MORN1: variants seen among roughly 807,000 people sequenced by gnomAD.
The protein encoded by MORN1 is MORN repeat containing 1.
MORN1 carries 67 observed loss-of-function variants against 61.9 expected under a neutral mutation model. The observed-to-expected ratio is 1.08, with a 90% CI of 0.89 to 1.33. MORN1 has a LOEUF of 1.33. Among genes scored for constraint, MORN1 ranks in the 40% most tolerant of loss-of-function variants. MORN1 has a pLI of 0.00. For missense variants in MORN1, 752 were observed against 691.2 expected (o/e 1.09, Z -0.99); for synonymous variants, 301 against 292.0 (o/e 1.03, Z -0.31).
At chr1:2,390,034 A>G in intron 1 of MORN1, 38 bp from the exon 2 acceptor site, 1 of 1,567,506 alleles carries the variant, frequency 6.4e-7, no homozygotes, top group Non-Finnish European at 8.8e-7. Context: ...AAGCACAGAC[A>G]CAGAGATGAG....
chr1:2,345,960 G>A (rs768495099), intron 10 of MORN1, among the ~76,000 whole-genome samples: 3 of 152,116 alleles, frequency 2.0e-5, no homozygotes, highest in Non-Finnish European at 4.4e-5. Flanking sequence ...GATGCAGCCT[G>A]CATCTGTGAT....
chr1:2,359,390 T>C (rs1641844936), intron 8 of MORN1, among the ~76,000 whole-genome samples: 1 of 152,220 alleles, frequency 6.6e-6, no homozygotes, highest in East Asian at 1.9e-4. Context: ...CCCAGAGGAC[T>C]GTGCCCAAGG....
At chr1:2,382,772 C>T (rs1642402089) in intron 6 of MORN1, among the ~76,000 whole-genome samples, 1 of 152,180 alleles carries the variant, frequency 6.6e-6, no homozygotes. Context: ...GCAGCACCAG[C>T]CCAGGCCAGC....
chr1:2,343,517 G>A (rs4648828), intron 10 of MORN1, among the ~76,000 whole-genome samples: 45,356 of 152,032 alleles, frequency 0.3, 7,491 homozygotes, highest in South Asian at 0.44. Context: ...GTGGCCCCTC[G>A]AGGACTGAGA....
At chr1:2,359,716 T>C (rs113865376) in intron 8 of MORN1, among the ~76,000 whole-genome samples, 9,259 of 152,130 alleles carry the variant, frequency 0.061, 946 homozygotes, top group African/African-American at 0.21. Flanking sequence ...AACCTGTCTC[T>C]ACTAAAAATA....
chr1:2,356,958 C>A lies in MORN1; in HGVS notation c.1036+474G>T, dbSNP rs192783286. On this transcript the variant is annotated intron_variant, in intron 10 of 13. Coordinates refer to ENST00000378531, the MANE Select transcript of MORN1 (RefSeq NM_024848.3). ...CCGGAGCACCTGGGCCTCATCTCCA[C>A]GAAGAAACGTGAGGCAACCCGTGCA... Among the ~76,000 whole-genome samples, 489 of 152,278 alleles carry A rather than the reference C, an allele frequency of 3.2e-3. 1 individual carries two copies. The highest frequency in any genetic ancestry group is 5.4e-3 in the Non-Finnish European group (368 of 68,010).
intron 12 of MORN1, 121 bp from the exon 13 acceptor site, chr1:2,324,264 G>T (rs1480480538): frequency 9.6e-7 from 1 of 1,037,870 alleles, no homozygotes; most frequent in Non-Finnish European, 1.4e-6. Flanking sequence ...CACAGCAGAG[G>T]CCTGCGAACC....
rs981685633 is a variant in MORN1, at chr1:2,334,741, C to T, written c.1250+1728G>A. Among the ~76,000 whole-genome samples the T allele has an allele frequency of 4.6e-5, 7 of 152,234 alleles. No homozygotes were observed. Among genetic ancestry groups the T allele is most frequent in the East Asian group, 1.9e-4 (1 of 5,196 alleles). On this transcript the variant is annotated intron_variant, in intron 12 of 13. Transcript: ENST00000378531. The surrounding 1 kb of genome is among the most constrained non-coding windows in gnomAD (Gnocchi z 5.4). ...AATCCTAGTCCAACGACACTTAACTCGAGGACAGTGCGAGCCCTTTGGCTG... is the reference window on the plus strand; with the variant it reads ...AATCCTAGTCCAACGACACTTAACTTGAGGACAGTGCGAGCCCTTTGGCTG...
rs373645807 is a variant in MORN1 at position 2,385,001 on chromosome 1, A to G, written c.514T>C (p.Cys172Arg). 1.9e-6 allele frequency: 3 copies of G among 1,592,650 alleles called. No individual in the cohort carries two copies. The highest frequency in any genetic ancestry group is 1.1e-5 in the South Asian group (1 of 87,892). Residue 172 changes from cysteine (C) to arginine (R), a missense_variant, in exon 6 of 14, where the codon TGC (cysteine) becomes CGC (arginine). Cys to Arg is a radical substitution (Grantham distance 180). Coordinates refer to ENST00000378531, the MANE Select transcript of MORN1 (RefSeq NM_024848.3). Reference sequence around the variant, plus strand: ...ACCTTGTAGGTGGAGCCGTCGGCGCAGCGCAGCACCCCGTGTCCCTGACGC... The same window carrying G: ...ACCTTGTAGGTGGAGCCGTCGGCGCGGCGCAGCACCCCGTGTCCCTGACGC... ...DRRQGHGVLR[C>R]ADGSTYKGQW...
chr1:2,353,417 C>T (rs1569976226), intron 10 of MORN1, among the ~76,000 whole-genome samples: 1 of 152,204 alleles, frequency 6.6e-6, no homozygotes, highest in Non-Finnish European at 1.5e-5. Context: ...GGAACTGGCC[C>T]ACCCTTCCAG....
intron 3 of MORN1, 159 bp from the exon 4 acceptor site, chr1:2,387,688 A>G (rs1333780081): frequency 4.8e-6 from 3 of 624,292 alleles, no homozygotes; most frequent in African/African-American, 3.6e-5. Context: ...GAGGGAAAAC[A>G]TGGTAAGCAG....
At chr1:2,375,071 C>A (rs1032358081) in intron 6 of MORN1, 1 of 152,498 alleles carries the variant, frequency 6.6e-6, no homozygotes, top group Non-Finnish European at 1.5e-5. Flanking sequence ...GTTCGCTGTA[C>A]ACCCCAACTC....
At chr1:2,382,786 G>A (rs1642402277) in intron 6 of MORN1, among the ~76,000 whole-genome samples, 1 of 152,188 alleles carries the variant, frequency 6.6e-6, no homozygotes, top group Non-Finnish European at 1.5e-5. Flanking sequence ...GGCCAGCAGG[G>A]GCAGCAACGA....
intron 10 of MORN1, among the ~76,000 whole-genome samples, chr1:2,348,041 G>A (rs895058443): frequency 2.0e-5 from 3 of 152,056 alleles, no homozygotes; most frequent in East Asian, 1.9e-4. Flanking sequence ...GGGCTTCCCC[G>A]TGGCCCAGTG....
Position 2,385,052 on chromosome 1 carries a change from A to G in MORN1, c.463T>C (p.Tyr155His), listed in dbSNP as rs1328884393. ...CGGTCCCGGACCCAGTCGCCGTCGT[A>G]CTTGTCACCGTTCCTGGGGGACACA... ...GQMLFQNGDK[Y>H]DGDWVRDRRQ... The change falls in exon 6 of 14, where the codon TAC (tyrosine) becomes CAC (histidine). Residue 155 changes from tyrosine to histidine, a missense_variant. Transcript: ENST00000378531. 3 of 1,595,374 alleles carry G rather than the reference A, an allele frequency of 1.9e-6. No individual in the cohort carries two copies. The South Asian group carries it at 3.4e-5, about 18-fold the overall frequency.
intron 6 of MORN1, chr1:2,379,001 G>T (rs552390211): frequency 4.9e-5 from 23 of 470,886 alleles, no homozygotes; most frequent in Non-Finnish European, 9.2e-5. Context: ...TTTATTTTCA[G>T]GAATGCATTT....
intron 10 of MORN1, among the ~76,000 whole-genome samples, chr1:2,353,904 T>A (rs978003678): frequency 1.3e-5 from 2 of 152,198 alleles, no homozygotes; most frequent in Non-Finnish European, 2.9e-5. Flanking sequence ...GAATGAAGGG[T>A]AACAATTCAT....
intron 6 of MORN1, among the ~76,000 whole-genome samples, chr1:2,380,382 G>T (rs931613703): frequency 2.6e-5 from 4 of 152,196 alleles, no homozygotes; most frequent in Admixed American, 6.5e-5. Flanking sequence ...GCTCACGCCT[G>T]AAATCCCAGC....
At chr1:2,367,478 A>AAAC (rs1164771606) in intron 8 of MORN1, among the ~76,000 whole-genome samples, 10 of 151,882 alleles carry the variant, frequency 6.6e-5, no homozygotes, top group Non-Finnish European at 1.3e-4. Context: ...TTACAAAAAC[A>AAAC]AACAAAAAGA....
Sources: gnomAD v4.1 joint callset for allele counts (sites outside exome capture counted in the v4.1 genomes callset) on GRCh38, gnomAD v4.1.1 for gene constraint, Gnocchi (gnomAD v3.1) non-coding constraint, MANE v1.5 for transcripts, NCBI Gene and HGNC (gene_info 2026-07-23, HGNC 2026-07-21) for gene names.